LONRF1: variants seen among roughly 807,000 people sequenced by gnomAD.
LONRF1 encodes LON peptidase N-terminal domain and ring finger 1.
LONRF1 carries 37 observed loss-of-function variants against 85.8 expected under a neutral mutation model. That is an observed-to-expected ratio of 0.43 (90% CI 0.33 to 0.57). LONRF1 has a LOEUF of 0.57. LONRF1 is among the 20% of genes least tolerant of loss of function. The pLI, the probability that LONRF1 is intolerant of heterozygous loss-of-function variation, is 0.04. For missense variants in LONRF1, 1,036 were observed against 978.0 expected, an observed-to-expected ratio of 1.06 and a Z score of -0.79; for synonymous variants, 517 against 390.1, an observed-to-expected ratio of 1.33 and a Z score of -3.83.
chr8:12,730,098 T>C (rs1389313779), intron 8 of LONRF1, among the ~76,000 whole-genome samples: 2 of 152,220 alleles, frequency 1.3e-5, no homozygotes, highest in African/African-American at 2.4e-5. Context: ...ATGTTCACTG[T>C]AGCAATGTGG....
chr8:12,734,799 T>G (rs1218483686), intron 7 of LONRF1, among the ~76,000 whole-genome samples: 4 of 152,188 alleles, frequency 2.6e-5, no homozygotes, highest in Non-Finnish European at 5.9e-5. Flanking sequence ...CTAACCATAT[T>G]TAAAAGCTTA....
At position 12,737,435 on chromosome 8, in the gene LONRF1, T is replaced by C. The variant is rs1265953952; in HGVS notation, c.1114-295A>G. The C allele has an allele frequency of 5.6e-6, 3 of 537,496 alleles. No homozygotes were observed. The African/African-American group carries it at 5.7e-5, about 10-fold the overall frequency. 33.3% of individuals were successfully genotyped at this position (537,496 alleles called of 1,614,324 possible). ...TTTCTTGTCATTATTCCCTAGACAA[T>C]ACAGTATAACAACTATTTACATAGT... On this transcript the variant is annotated intron_variant, in intron 4 of 11. Transcript: ENST00000398246.
intron 4 of LONRF1, 31 bp downstream of exon 4, chr8:12,737,964 A>C (rs199606385): frequency 1.9e-6 from 3 of 1,581,192 alleles, no homozygotes; most frequent in Non-Finnish European, 2.6e-6. Context: ...TGGATACGCT[A>C]AACTCATGAT....
In LONRF1 at chr8:12,721,995, A is replaced by C. The variant is rs1213925656; in HGVS notation, c.*1101T>G. 6.6e-6 allele frequency: 1 copy of C among 152,668 alleles called. No homozygotes were observed. The highest frequency in any genetic ancestry group is 2.4e-5 in the African/African-American group (1 of 41,462). 9.5% of individuals were successfully genotyped at this position (152,668 alleles called of 1,614,324 possible). A position where few individuals can be genotyped will look rare whatever the true frequency, so the allele number is the denominator to read the frequency against. Reference sequence around the variant, plus strand: ...CAAATTACTTACATAAAAGAAAGTTAATAAGGACAGTCACAAATTTGCAAC... The same window carrying C: ...CAAATTACTTACATAAAAGAAAGTTCATAAGGACAGTCACAAATTTGCAAC... On this transcript the variant is annotated 3_prime_UTR_variant, in exon 12 of 12. Coordinates refer to ENST00000398246, the MANE Select transcript of LONRF1 (RefSeq NM_152271.5).
chr8:12,746,416 C>A (rs758529368), intron 1 of LONRF1, among the ~76,000 whole-genome samples: 1 of 152,122 alleles, frequency 6.6e-6, no homozygotes, highest in African/African-American at 2.4e-5. Context: ...GTGCTGAGCT[C>A]CTCCCTTACC....
At chr8:12,746,921 G>C (rs1563155950) in intron 1 of LONRF1, among the ~76,000 whole-genome samples, 1 of 152,174 alleles carries the variant, frequency 6.6e-6, no homozygotes, top group Non-Finnish European at 1.5e-5. Context: ...ACTTAGAACA[G>C]GGCTTGGTAC....
At chr8:12,734,725 C>G (rs1488093372) in intron 7 of LONRF1, among the ~76,000 whole-genome samples, 3 of 152,152 alleles carry the variant, frequency 2.0e-5, no homozygotes, top group African/African-American at 7.2e-5. Context: ...ATGTCGCAGC[C>G]ATTAGTCACA....
At chr8:12,750,922 G>A (rs374004418) in intron 1 of LONRF1, among the ~76,000 whole-genome samples, 96 of 152,258 alleles carry the variant, frequency 6.3e-4, no homozygotes, top group Middle Eastern at 3.4e-3. Flanking sequence ...AATATTTACT[G>A]GGCATTTACT....
intron 1 of LONRF1, among the ~76,000 whole-genome samples, chr8:12,747,787 C>A (rs1471653725): frequency 6.6e-6 from 1 of 150,850 alleles, no homozygotes; most frequent in African/African-American, 2.5e-5. Context: ...AAAACTGGCT[C>A]ATTTCAGTTC....
intron 1 of LONRF1, among the ~76,000 whole-genome samples, chr8:12,745,384 A>T (rs1799108871): frequency 1.1e-5 from 1 of 90,234 alleles, no homozygotes; most frequent in Non-Finnish European, 2.4e-5. Context: ...CAATACTTTT[A>T]AAAAAAGATT....
chr8:12,747,700 G>A (rs1376097699), intron 1 of LONRF1, among the ~76,000 whole-genome samples: 1 of 151,654 alleles, frequency 6.6e-6, no homozygotes, highest in Non-Finnish European at 1.5e-5. Context: ...TTCTTTACAG[G>A]TTAAAACAGA....
At chr8:12,746,891 T>A (rs968930591) in intron 1 of LONRF1, among the ~76,000 whole-genome samples, 15 of 152,172 alleles carry the variant, frequency 9.9e-5, no homozygotes, top group African/African-American at 3.6e-4. Context: ...CTCTAGAGAG[T>A]AAGTTAATCG....
intron 7 of LONRF1, among the ~76,000 whole-genome samples, chr8:12,732,787 G>T (rs114847348): frequency 1.5e-3 from 222 of 152,258 alleles, no homozygotes; most frequent in African/African-American, 4.9e-3. Context: ...ATTGCTTAGG[G>T]TAGGGCCAGG....
Position 12,731,822 on chromosome 8 carries a change from C to A in LONRF1, c.1602G>T (p.Leu534=), listed in dbSNP as rs1477316910. ...GATACTTCACTATTAATTCTTCCAA[C>A]AGCTGTGTGACACAGTACCTCCTAT... ...LADRRYCVTQ[L]LEELIVKYLP... is the part of the protein sequence containing the mutation. Residue 534 remains leucine (L), a synonymous_variant, in exon 8 of 12, where the codon CTG becomes CTT. Coordinates refer to ENST00000398246, the MANE Select transcript of LONRF1 (RefSeq NM_152271.5). 1.9e-6 allele frequency: 3 copies of A among 1,612,764 alleles called. No homozygotes were observed. Among genetic ancestry groups the A allele is most frequent in the African/African-American group, 1.3e-5 (1 of 74,844 alleles).
chr8:12,735,666 T>G, intron 6 of LONRF1: 1 of 338,064 alleles, frequency 3.0e-6, no homozygotes, highest in Non-Finnish European at 5.4e-6. Context: ...CTGGACACTA[T>G]GGCTACTAAT....
In LONRF1 at chr8:12,755,285, C is replaced by T; in HGVS notation, c.136G>A (p.Glu46Lys). The T allele has an allele frequency of 8.0e-7, 1 of 1,246,156 alleles. No individual in the cohort carries two copies. Among genetic ancestry groups the T allele is most frequent in the Non-Finnish European group, 1.0e-6 (1 of 993,964 alleles). The allele number at this position is 1,246,156 out of a possible 1,614,324, so 77.2% of individuals were successfully genotyped here. ...HRLERAAAES[E>K]RWELLLRRGE... ...CGGCGGAGCAGCAGCTCCCAGCGCT[C>T]CGACTCCGCGGCCGCGCGCTCCAGC... The change falls in exon 1 of 12, where the codon GAG becomes AAG. Residue 46 changes from glutamate to lysine, a missense_variant. By Grantham distance (56) the Glu-to-Lys change is moderately conservative. Coordinates refer to ENST00000398246, the MANE Select transcript of LONRF1 (RefSeq NM_152271.5).
rs557309208 is a variant in LONRF1 at position 12,742,623 on chromosome 8, G to T, written c.840+541C>A. Among the ~76,000 whole-genome samples the T allele has an allele frequency of 1.3e-5, 2 of 152,106 alleles. 1 individual carries two copies. The highest frequency in any genetic ancestry group is 4.1e-4 in the South Asian group (2 of 4,822). On this transcript the variant is annotated intron_variant, in intron 2 of 11. Coordinates refer to ENST00000398246, the MANE Select transcript of LONRF1 (RefSeq NM_152271.5). ...AGTTGTATTTCTTTGCAGACATTTT[G>T]TATAATAAAGTCTTTTTTTTTCCTG...
rs1182714438 is a variant in LONRF1 at position 12,755,456 on chromosome 8, C to T, written c.-36G>A. The T allele has an allele frequency of 4.6e-6, 5 of 1,090,930 alleles. No homozygotes were observed. The highest frequency in any genetic ancestry group is 4.3e-5 in the South Asian group (1 of 23,012). The allele number at this position is 1,090,930 out of a possible 1,614,324, so 67.6% of individuals were successfully genotyped here. ...GGGCTGCGCCGCCGCCGCCCGCCGC[C>T]ACGGTCCCGGAGCCTCCCGGGCGCG... On this transcript the variant is annotated 5_prime_UTR_variant, in exon 1 of 12. Coordinates refer to ENST00000398246, the MANE Select transcript of LONRF1 (RefSeq NM_152271.5).
At chr8:12,753,418 T>C (rs907475812) in intron 1 of LONRF1, 1 of 152,208 alleles carries the variant, frequency 6.6e-6, no homozygotes, top group Non-Finnish European at 1.5e-5. Context: ...TTCATGCCAA[T>C]GGATAGACAC....
Sources: allele counts gnomAD v4.1 joint callset (sites outside exome capture counted in the v4.1 genomes callset), GRCh38; gene constraint gnomAD v4.1.1; transcripts MANE v1.5; gene names NCBI Gene and HGNC (gene_info 2026-07-23, HGNC 2026-07-21).